Variants in R3HDM2 observed in about 807,000 individuals in gnomAD.
R3HDM2 encodes R3H domain containing 2, also known as R3H domain-containing protein 2.
A neutral mutation model predicts 124.5 loss-of-function variants in R3HDM2; 38 were observed. That is an observed-to-expected ratio of 0.31 (90% CI 0.24 to 0.40). The LOEUF (loss-of-function observed/expected upper bound fraction) is 0.40. R3HDM2 is among the 10% of genes least tolerant of loss of function. The pLI, the probability that R3HDM2 is intolerant of heterozygous loss-of-function variation, is 1.00. For synonymous variants in R3HDM2, 391 were observed against 448.0 expected (o/e 0.87, Z 1.61); for missense variants, 869 against 1,236.9 (o/e 0.70, Z 4.46).
At chr12:57,394,695 C>A (rs1247849289) in intron 2 of R3HDM2, among the ~76,000 whole-genome samples, 1 of 152,028 alleles carries the variant, frequency 6.6e-6, no homozygotes, top group African/African-American at 2.4e-5. Flanking sequence ...TGTATATAAG[C>A]ATTTAAATGC....
chr12:57,276,061 CA>C (rs1022922687), intron 14 of R3HDM2, among the ~76,000 whole-genome samples: 3 of 151,828 alleles, frequency 2.0e-5, no homozygotes, highest in South Asian at 2.1e-4. Context: ...ACTAAAAATA[CA>C]AAAAATTAGC....
chr12:57,407,049 G>C (rs1449600285), intron 1 of R3HDM2, among the ~76,000 whole-genome samples: 1 of 152,034 alleles, frequency 6.6e-6, no homozygotes, highest in Non-Finnish European at 1.5e-5. Context: ...AGAATTTCGA[G>C]ACCAGCCTGG....
rs115302063 is a variant in R3HDM2 at position 57,373,701 on chromosome 12, T to A, written c.-36+22048A>T. ...GCGCATGCCTATTTGTAATCCCAGC[T>A]ACTTGGAAGGCTAAGGCAAAAGAAT... On this transcript the variant is annotated intron_variant, in intron 2 of 23. Coordinates refer to ENST00000402412, the MANE Select transcript of R3HDM2 (RefSeq NM_001394031.1). Among the ~76,000 whole-genome samples the A allele has an allele frequency of 3.4e-3, 516 of 151,850 alleles. 1 individual carries two copies. Among genetic ancestry groups the A allele is most frequent in the African/African-American group, 0.012 (487 of 41,360 alleles).
At chr12:57,321,896 A>T (rs2056512770) in intron 2 of R3HDM2, among the ~76,000 whole-genome samples, 1 of 152,142 alleles carries the variant, frequency 6.6e-6, no homozygotes, top group Non-Finnish European at 1.5e-5. Context: ...ATTCAATTTT[A>T]TTTGATGCAG....
chr12:57,402,320 C>G (rs2068114874), intron 1 of R3HDM2, among the ~76,000 whole-genome samples: 1 of 151,760 alleles, frequency 6.6e-6, no homozygotes, highest in South Asian at 2.1e-4. Context: ...GCATACATAT[C>G]CCACAATACT....
intron 3 of R3HDM2, among the ~76,000 whole-genome samples, chr12:57,307,229 T>C (rs546545445): frequency 5.9e-5 from 9 of 152,340 alleles, no homozygotes; most frequent in African/African-American, 2.2e-4. Flanking sequence ...AGGGACTTTT[T>C]TGAAAGGACC....
chr12:57,340,115 G>A (rs2059378919), intron 2 of R3HDM2, among the ~76,000 whole-genome samples: 1 of 152,070 alleles, frequency 6.6e-6, no homozygotes, highest in Non-Finnish European at 1.5e-5. Context: ...TTTTTCCCTT[G>A]GTAATGACAA....
chr12:57,427,551 T>C (rs1178127252), intron 1 of R3HDM2, among the ~76,000 whole-genome samples: 1 of 151,054 alleles, frequency 6.6e-6, no homozygotes, highest in African/African-American at 2.4e-5. Flanking sequence ...GGTTTCACCA[T>C]GTTGGCCAGG....
intron 4 of R3HDM2, among the ~76,000 whole-genome samples, chr12:57,302,092 G>C (rs528392968): frequency 6.6e-6 from 1 of 151,798 alleles, no homozygotes; most frequent in Non-Finnish European, 1.5e-5. Context: ...AACAGCCTGC[G>C]TGACATGGCA....
chr12:57,374,519 T>C (rs1594124432), intron 2 of R3HDM2, among the ~76,000 whole-genome samples: 1 of 150,350 alleles, frequency 6.7e-6, no homozygotes, highest in Non-Finnish European at 1.5e-5. Context: ...CTGTCTCTAC[T>C]AAAAATACAA....
chr12:57,347,268 A>G (rs2060184829), intron 2 of R3HDM2, among the ~76,000 whole-genome samples: 1 of 152,092 alleles, frequency 6.6e-6, no homozygotes, highest in South Asian at 2.1e-4. Flanking sequence ...TTAGGTGTGT[A>G]TATCTACATG....
intron 1 of R3HDM2, among the ~76,000 whole-genome samples, chr12:57,413,150 C>T (rs949896751): frequency 6.6e-6 from 1 of 151,374 alleles, no homozygotes; most frequent in Non-Finnish European, 1.5e-5. Context: ...GAGACTCTGT[C>T]TCAAAAAAAA....
intron 2 of R3HDM2, among the ~76,000 whole-genome samples, chr12:57,318,207 G>C (rs1012301622): frequency 5.3e-5 from 8 of 151,786 alleles, no homozygotes; most frequent in African/African-American, 1.9e-4. Flanking sequence ...CAGGAGAATA[G>C]CTTGAACCCA....
chr12:57,279,242 G>A (rs1242076927), intron 14 of R3HDM2, among the ~76,000 whole-genome samples: 1 of 149,470 alleles, frequency 6.7e-6, no homozygotes, highest in African/African-American at 2.5e-5. Flanking sequence ...GAGAGCAGTG[G>A]CGCGATCTCG....
chr12:57,354,845 G>A (rs2061081541), intron 2 of R3HDM2, among the ~76,000 whole-genome samples: 1 of 151,902 alleles, frequency 6.6e-6, no homozygotes, highest in South Asian at 2.1e-4. Context: ...TTATTTTCGA[G>A]ACAGGGTCTT....
rs535111789 is a variant in R3HDM2 at position 57,386,565 on chromosome 12, T to G, written c.-36+9184A>C. 2.0e-3 allele frequency among the ~76,000 whole-genome samples: 309 copies of G among 152,302 alleles called. 1 individual carries two copies. The highest frequency in any genetic ancestry group is 7.1e-3 in the African/African-American group (294 of 41,574). On this transcript the variant is annotated intron_variant, in intron 2 of 23. Coordinates refer to ENST00000402412, the MANE Select transcript of R3HDM2 (RefSeq NM_001394031.1). ...TGAGCCTCCCCCCGCTTCTGTGGGC[T>G]CCTGCGCAGCCTGAGCCTCCCTGAC...
chr12:57,412,777 G>A (rs761608605), intron 1 of R3HDM2, among the ~76,000 whole-genome samples: 14 of 152,040 alleles, frequency 9.2e-5, no homozygotes, highest in Non-Finnish European at 1.8e-4. Context: ...AGGCCGAGGC[G>A]GGCAGATCAC....
At chr12:57,350,061 T>C (rs1385940231) in intron 2 of R3HDM2, among the ~76,000 whole-genome samples, 1 of 151,892 alleles carries the variant, frequency 6.6e-6, no homozygotes, top group Non-Finnish European at 1.5e-5. Context: ...AATACAAAAA[T>C]CAGCCAGGCA....
At position 57,283,896 on chromosome 12, in the gene R3HDM2, T is replaced by A. The variant is rs1161801816; in HGVS notation, c.1099A>T (p.Ile367Phe). The A allele has an allele frequency of 6.2e-7, 1 of 1,614,180 alleles. No individual in the cohort carries two copies. The change falls in exon 13 of 24, where the codon ATC becomes TTC. Residue 367 changes from isoleucine to phenylalanine, a missense_variant. Physicochemically the swap from Ile to Phe is conservative, Grantham distance 21. Transcript: ENST00000402412. The part of the protein sequence containing the change: ...PVTKASSFSG[I>F]SILTRGDSIG... ...CTGTCACCTCGGGTAAGGATAGAGATTCCACTGAAGCTGCTAGCTTTGGTG... is the reference window on the plus strand; with the variant it reads ...CTGTCACCTCGGGTAAGGATAGAGAATCCACTGAAGCTGCTAGCTTTGGTG...
Sources: allele counts gnomAD v4.1 joint callset (sites outside exome capture counted in the v4.1 genomes callset), GRCh38; gene constraint gnomAD v4.1.1; transcripts MANE v1.5; gene names NCBI Gene and HGNC (gene_info 2026-07-23, HGNC 2026-07-21).